Variants in ITFG1 observed in about 807,000 individuals in gnomAD.
The protein encoded by ITFG1 is T-cell immunomodulatory protein.
A neutral mutation model predicts 81.8 loss-of-function variants in ITFG1; 34 were observed. The observed-to-expected ratio is 0.42, with a 90% CI of 0.32 to 0.55. The LOEUF is 0.55. Among genes scored for constraint, ITFG1 ranks in the 20% least tolerant of loss-of-function variants. The probability of loss-of-function intolerance (pLI) is 0.17; values close to 1 mark genes in which losing one functional copy is unlikely to be tolerated. For synonymous variants in ITFG1, 285 were observed against 270.6 expected, an observed-to-expected ratio of 1.05 and a Z score of -0.52; for missense variants, 672 against 755.4, an observed-to-expected ratio of 0.89 and a Z score of 1.29.
chr16:47,443,742 C>T (rs114185114), intron 5 of ITFG1, among the ~76,000 whole-genome samples: 2 of 152,054 alleles, frequency 1.3e-5, no homozygotes, highest in Admixed American at 6.5e-5. Context: ...ATACCGGGGA[C>T]TGCTTTGGGG....
intron 10 of ITFG1, among the ~76,000 whole-genome samples, chr16:47,284,321 G>GA: frequency 6.6e-6 from 1 of 151,838 alleles, no homozygotes; most frequent in Admixed American, 6.6e-5. Flanking sequence ...AAAATTCTAG[G>GA]AAAAAAAGAG....
At chr16:47,449,670 T>C (rs1969365061) in intron 5 of ITFG1, 1 of 152,196 alleles carries the variant, frequency 6.6e-6, no homozygotes, top group Non-Finnish European at 1.5e-5. Context: ...ATTATTACTC[T>C]AGTATATTGG....
chr16:47,422,434 A>G (rs1221748276), intron 6 of ITFG1, among the ~76,000 whole-genome samples: 12 of 152,176 alleles, frequency 7.9e-5, no homozygotes, highest in Non-Finnish European at 1.5e-5. Context: ...TTCATCAGGG[A>G]TATTGGCCTA....
chr16:47,221,082 G>A (rs1965684851), intron 13 of ITFG1, among the ~76,000 whole-genome samples: 2 of 152,070 alleles, frequency 1.3e-5, no homozygotes, highest in Non-Finnish European at 2.9e-5. Context: ...TACTGGAGGG[G>A]GCAGAACAGG....
intron 5 of ITFG1, among the ~76,000 whole-genome samples, chr16:47,440,754 C>T (rs955638046): frequency 1.5e-4 from 23 of 151,996 alleles, no homozygotes; most frequent in Non-Finnish European, 2.9e-4. Flanking sequence ...AAAATTGACA[C>T]CCTAATATCA....
intron 14 of ITFG1, among the ~76,000 whole-genome samples, chr16:47,199,440 G>A (rs1208319138): frequency 2.6e-5 from 4 of 152,224 alleles, no homozygotes; most frequent in African/African-American, 9.6e-5. Flanking sequence ...CATGGTAAGT[G>A]TGGTAACATT....
chr16:47,427,172 A>C (rs1244096080), intron 6 of ITFG1, among the ~76,000 whole-genome samples: 2 of 152,212 alleles, frequency 1.3e-5, no homozygotes, highest in Non-Finnish European at 2.9e-5. Context: ...GGCTGACAAT[A>C]ATCATTCATA....
chr16:47,320,890 A>C (rs747170031), intron 8 of ITFG1, among the ~76,000 whole-genome samples: 1 of 152,230 alleles, frequency 6.6e-6, no homozygotes, highest in Non-Finnish European at 1.5e-5. Context: ...TGTCAGTGGA[A>C]ATACTAAAAC....
At chr16:47,218,039 T>C (rs1965646714) in intron 14 of ITFG1, 1 of 152,226 alleles carries the variant, frequency 6.6e-6, no homozygotes, top group Admixed American at 6.5e-5. Flanking sequence ...ACTGAGACTC[T>C]TAAATGTGTG....
chr16:47,221,799 T>C (rs1965695290), intron 13 of ITFG1, among the ~76,000 whole-genome samples: 1 of 152,220 alleles, frequency 6.6e-6, no homozygotes, highest in Non-Finnish European at 1.5e-5. Flanking sequence ...AAGTTCTTCC[T>C]GGTTTAGTCT....
chr16:47,449,417 T>C (rs1969361655), intron 5 of ITFG1: 1 of 152,238 alleles, frequency 6.6e-6, no homozygotes, highest in African/African-American at 2.4e-5. Context: ...AAACGTAGTT[T>C]TCATATTTTA....
At chr16:47,330,440 A>G (rs938790715) in intron 8 of ITFG1, among the ~76,000 whole-genome samples, 2 of 152,106 alleles carry the variant, frequency 1.3e-5, no homozygotes, top group African/African-American at 2.4e-5. Flanking sequence ...AAAATTGACA[A>G]GTTGAATCTA....
rs1269099938 is a variant in ITFG1 at position 47,203,916 on chromosome 16, T to G, written c.1453+14952A>C. On this transcript the variant is annotated intron_variant, in intron 14 of 17. Transcript: ENST00000320640. ...GTTAGCGTTTAATGGGTACAGAGTT[T>G]CAAGTCTGCAAGGTGAAGTGCTCTG... Among the ~76,000 whole-genome samples, 7 of 152,286 alleles carry G rather than the reference T, an allele frequency of 4.6e-5. No homozygotes were observed. The East Asian group carries it at 1.4e-3, about 29-fold the overall frequency.
chr16:47,352,219 AAACT>A (rs1967969583), intron 8 of ITFG1, among the ~76,000 whole-genome samples: 1 of 152,208 alleles, frequency 6.6e-6, no homozygotes, highest in Admixed American at 6.5e-5. Flanking sequence ...GGATGTAATT[AAACT>A]AAAGAGCTTC....
chr16:47,183,285 C>A (rs942218060), intron 14 of ITFG1, among the ~76,000 whole-genome samples: 2 of 152,166 alleles, frequency 1.3e-5, no homozygotes, highest in South Asian at 2.1e-4. Flanking sequence ...ACCACAGCTC[C>A]AGGAGGCCTG....
chr16:47,329,588 A>T (rs1478503047), intron 8 of ITFG1, among the ~76,000 whole-genome samples: 1 of 152,166 alleles, frequency 6.6e-6, no homozygotes, highest in Non-Finnish European at 1.5e-5. Context: ...AGATTAAATG[A>T]TGATGATGAC....
At chr16:47,378,302 CA>C (rs1968352237) in intron 6 of ITFG1, among the ~76,000 whole-genome samples, 1 of 152,172 alleles carries the variant, frequency 6.6e-6, no homozygotes, top group African/African-American at 2.4e-5. Flanking sequence ...GACATGTTTT[CA>C]ACAAGAAATC....
chr16:47,327,974 T>C (rs890696169), intron 8 of ITFG1, among the ~76,000 whole-genome samples: 2 of 152,212 alleles, frequency 1.3e-5, no homozygotes, highest in African/African-American at 2.4e-5. Context: ...CATTACTGGC[T>C]ATATACCCAA....
At chr16:47,410,048 AG>A (rs1352236310) in intron 6 of ITFG1, among the ~76,000 whole-genome samples, 7 of 152,160 alleles carry the variant, frequency 4.6e-5, no homozygotes, top group African/African-American at 1.7e-4. Context: ...CCAAGGCAAG[AG>A]GATCGTTTGA....
Sources: allele counts gnomAD v4.1 joint callset (sites outside exome capture counted in the v4.1 genomes callset), GRCh38; gene constraint gnomAD v4.1.1; transcripts MANE v1.5; gene names NCBI Gene and HGNC (gene_info 2026-07-23, HGNC 2026-07-21).